DACH2: variants seen among roughly 807,000 people sequenced by gnomAD.
DACH2 encodes the protein dachshund homolog 2.
DACH2 carries 17 observed loss-of-function variants against 35.8 expected under a neutral mutation model. That is an observed-to-expected ratio of 0.48 (90% CI 0.33 to 0.71). The LOEUF (loss-of-function observed/expected upper bound fraction) is 0.71. Among genes scored for constraint, DACH2 ranks in the 30% least tolerant of loss-of-function variants. The pLI is 0.02. For synonymous variants in DACH2, 195 were observed against 177.3 expected, an observed-to-expected ratio of 1.10 and a Z score of -0.79; for missense variants, 469 against 472.7, an observed-to-expected ratio of 0.99 and a Z score of 0.07.
At chrX:86,393,821 A>T (rs1355721577) in intron 2 of DACH2, among the ~76,000 whole-genome samples, 1 of 111,061 alleles carries the variant, frequency 9.0e-6, no homozygotes, top group African/African-American at 3.3e-5. Context: ...CATTTGTAAA[A>T]TGGAGAAAGA....
At chrX:86,475,647 C>T (rs768961035) in intron 2 of DACH2, among the ~76,000 whole-genome samples, 49 of 111,735 alleles carry the variant, frequency 4.4e-4, no homozygotes, top group Non-Finnish European at 8.1e-4. Flanking sequence ...AATTTGACTT[C>T]TTCCTTTCCA....
intron 2 of DACH2, chrX:86,512,946 T>G: frequency 3.1e-6 from 1 of 327,805 alleles, no homozygotes; most frequent in Non-Finnish European, 5.9e-6. Flanking sequence ...AGTCCATTTA[T>G]AAAATTGAAA....
chrX:86,490,766 A>G (rs2038083083), intron 2 of DACH2, among the ~76,000 whole-genome samples: 2 of 111,385 alleles, frequency 1.8e-5, no homozygotes, highest in African/African-American at 6.5e-5. Flanking sequence ...TGATGTATAG[A>G]TTGAGAATTA....
intron 6 of DACH2, among the ~76,000 whole-genome samples, chrX:86,736,569 C>A (rs997686935): frequency 1.8e-5 from 2 of 110,754 alleles, no homozygotes; most frequent in Admixed American, 1.9e-4. Context: ...TTGATATTTT[C>A]TGTTTTTATA....
intron 1 of DACH2, among the ~76,000 whole-genome samples, chrX:86,251,077 ATACT>A (rs2147951437): frequency 9.0e-6 from 1 of 111,281 alleles, no homozygotes; most frequent in South Asian, 3.8e-4. Flanking sequence ...TAGGCATCAG[ATACT>A]TACTTGCATT....
intron 5 of DACH2, among the ~76,000 whole-genome samples, chrX:86,698,369 A>T (rs2041091071): frequency 9.1e-6 from 1 of 109,365 alleles, no homozygotes; most frequent in African/African-American, 3.3e-5. Context: ...GTAGACCTGC[A>T]TCGCAAGAAA....
At position 86,357,019 on chromosome X, in the gene DACH2, AT is replaced by A. The variant is rs1406590898; in HGVS notation, c.489-19804del. Among the ~76,000 whole-genome samples the A allele has an allele frequency of 4.5e-5, 5 of 111,364 alleles. No individual in the cohort carries two copies. In the Admixed American group the frequency reaches 4.8e-4, roughly 11 times the overall value. On this transcript the variant is annotated intron_variant, in intron 1 of 11. Transcript: ENST00000373125. ...TCACTCTGTATGCCTTTGTATACCC[AT>A]AGCTTAGCTCCCACTTGTAAGTGAG...
chrX:86,825,836 A>T (rs1023855914), intron 11 of DACH2, among the ~76,000 whole-genome samples: 1 of 111,977 alleles, frequency 8.9e-6, no homozygotes, highest in African/African-American at 3.2e-5. Context: ...GCACTGATCT[A>T]CTAGTCAGAA....
chrX:86,521,481 C>A (rs186310998), intron 3 of DACH2, among the ~76,000 whole-genome samples: 5 of 111,757 alleles, frequency 4.5e-5, no homozygotes, highest in Admixed American at 3.8e-4. Context: ...GGATGACATT[C>A]TGAAATATGT....
At chrX:86,204,214 A>G (rs1357410900) in intron 1 of DACH2, among the ~76,000 whole-genome samples, 1 of 111,828 alleles carries the variant, frequency 8.9e-6, no homozygotes, top group Non-Finnish European at 1.9e-5. Flanking sequence ...TGCTTTCTTC[A>G]TTGTTCTCTC....
At chrX:86,298,043 G>A (rs1216149342) in intron 1 of DACH2, among the ~76,000 whole-genome samples, 1 of 111,793 alleles carries the variant, frequency 8.9e-6, no homozygotes, top group Non-Finnish European at 1.9e-5. Flanking sequence ...AGTGACATTT[G>A]TATAAATGAA....
rs1182765397 is a variant in DACH2 at position 86,287,778 on chromosome X, T to C, written c.489-89046T>C. On this transcript the variant is annotated intron_variant, in intron 1 of 11. Transcript: ENST00000373125. ...TAATTAAATTTATCTGATAGAATTC[T>C]GAATTCCTTCTCTGCGTTATGTTGA... Among the ~76,000 whole-genome samples the C allele has an allele frequency of 2.7e-5, 3 of 112,223 alleles. No individual in the cohort carries two copies. The East Asian group carries it at 8.4e-4, about 31-fold the overall frequency.
rs141871305 is a variant in DACH2, at chrX:86,547,000, T to C, written c.640+32609T>C. ...CCTCCCTTGCCCTGGTTGTGTCATC[T>C]TCACCTTCTAATCCCCTTTATCTGG... is the stretch of plus-strand genomic sequence containing the variant. On this transcript the variant is annotated intron_variant, in intron 3 of 11. Transcript: ENST00000373125. Among the ~76,000 whole-genome samples, 417 of 111,577 alleles carry C rather than the reference T, an allele frequency of 3.7e-3. 3 individuals carry two copies. Among genetic ancestry groups the C allele is most frequent in the African/African-American group, 0.013 (404 of 30,700 alleles).
intron 7 of DACH2, among the ~76,000 whole-genome samples, chrX:86,764,226 C>A (rs904458119): frequency 1.4e-4 from 16 of 112,033 alleles, no homozygotes; most frequent in Non-Finnish European, 3.0e-4. Flanking sequence ...CCTGTTTTTA[C>A]ATTTCAACAT....
intron 1 of DACH2, among the ~76,000 whole-genome samples, chrX:86,215,509 G>C (rs747210834): frequency 3.6e-5 from 4 of 111,798 alleles, no homozygotes; most frequent in Admixed American, 1.9e-4. Context: ...AATAGGTAAT[G>C]TATGCATGTG....
chrX:86,620,758 A>G (rs1191602889), intron 3 of DACH2, among the ~76,000 whole-genome samples: 1 of 109,165 alleles, frequency 9.2e-6, no homozygotes, highest in Admixed American at 9.9e-5. Context: ...CAGGAGGGGA[A>G]TAAATGCCAC....
rs867311292 is a variant in DACH2 at position 86,350,210 on chromosome X, T to G, written c.489-26614T>G. ...CTGTTCATGTCCTTCGCCCACTTTT[T>G]GATGGGGTTGTTTGTTTTTTTCTTG... On this transcript the variant is annotated intron_variant, in intron 1 of 11. Coordinates refer to ENST00000373125, the MANE Select transcript of DACH2 (RefSeq NM_053281.3). Among the ~76,000 whole-genome samples, 448 of 45,996 alleles carry G rather than the reference T, an allele frequency of 9.7e-3. 150 individuals are homozygous for G. The highest frequency in any genetic ancestry group is 0.049 in the African/African-American group (441 of 9,091). 39.9% of individuals were successfully genotyped at this position (45,996 alleles called of 115,157 possible).
chrX:86,171,392 T>C (rs1342961395), intron 1 of DACH2, among the ~76,000 whole-genome samples: 1 of 111,016 alleles, frequency 9.0e-6, no homozygotes, highest in East Asian at 2.9e-4. Context: ...AGTCCATGTC[T>C]CTGGGCCTAG....
At chrX:86,546,398 CTT>C (rs1326919649) in intron 3 of DACH2, among the ~76,000 whole-genome samples, 1 of 67,683 alleles carries the variant, frequency 1.5e-5, no homozygotes, top group African/African-American at 9.0e-5. Flanking sequence ...TCTTCTTCTT[CTT>C]CTTCCTTCTT....
Sources: allele counts gnomAD v4.1 joint callset (sites outside exome capture counted in the v4.1 genomes callset), GRCh38; gene constraint gnomAD v4.1.1; transcripts MANE v1.5; gene names NCBI Gene and HGNC (gene_info 2026-07-23, HGNC 2026-07-21).